The following RSF1 variants were observed in gnomAD, a reference collection of about 807,000 sequenced individuals.
The protein encoded by RSF1 is HBV pX-associated protein 8.
Under a neutral mutation model 145.2 loss-of-function variants are expected in RSF1, and 13 were observed. That is an observed-to-expected ratio of 0.09 (90% confidence interval 0.06 to 0.14). RSF1 has a LOEUF of 0.14. Ranked by LOEUF, RSF1 falls within the 10% of genes least tolerant of loss-of-function variation. The pLI is 1.00. For synonymous variants in RSF1, 577 were observed against 592.6 expected (o/e 0.97, Z 0.38); for missense variants, 1,517 against 1,718.2 (o/e 0.88, Z 2.07).
Position 77,762,027 on chromosome 11 carries a change from C to CTTTTTTCTTTTTTTTTTTTTTTTT in RSF1, c.279+2570_279+2571insAAAAAAAAAAAAAAAAAGAAAAAA, listed in dbSNP as rs1554994584. On this transcript the variant is annotated intron_variant, in intron 2 of 15. Coordinates refer to ENST00000308488, the MANE Select transcript of RSF1 (RefSeq NM_016578.4). ...TTTTTGTATTATTTTCTTTTCTTTT[C>CTTTTTTCTTTTTTTTTTTTTTTTT]TTTTTTTTTTTTTTTTTTTTTTGTA... The CTTTTTTCTTTTTTTTTTTTTTTTT allele has an allele frequency of 2.2e-4, 13 of 58,750 alleles. 1 individual carries two copies. The highest frequency in any genetic ancestry group is 6.2e-4 in the African/African-American group (8 of 12,876). 3.6% of individuals were successfully genotyped at this position (58,750 alleles called of 1,614,324 possible).
Position 77,666,156 on chromosome 11 carries a change from A to G in RSF1, c.*761T>C, listed in dbSNP as rs564368770. ...GAGGCCACCTTATTACCACTGCATA[A>G]AGCTTATTTAAAAAAATTTGTTGCT... On this transcript the variant is annotated 3_prime_UTR_variant, in exon 16 of 16. Coordinates refer to ENST00000308488, the MANE Select transcript of RSF1 (RefSeq NM_016578.4). 6.6e-6 allele frequency: 1 copy of G among 152,160 alleles called. No individual in the cohort carries two copies. Among genetic ancestry groups the G allele is most frequent in the Non-Finnish European group, 1.5e-5 (1 of 68,030 alleles). 9.4% of individuals were successfully genotyped at this position (152,160 alleles called of 1,614,324 possible). A position where few individuals can be genotyped will look rare whatever the true frequency, so the allele number is the denominator to read the frequency against.
In RSF1 at chr11:77,743,576, C is replaced by T. The variant is rs189782267; in HGVS notation, c.373-2640G>A. On this transcript the variant is annotated intron_variant, in intron 3 of 15. Transcript: ENST00000308488. ...TTTTGTATATTGATTTTATATCTCG[C>T]AATTTTACTGAATTCATTTATTAGT... is the stretch of plus-strand genomic sequence containing the variant. 2.9e-3 allele frequency among the ~76,000 whole-genome samples: 448 copies of T among 152,262 alleles called. 1 individual carries two copies. Among genetic ancestry groups the T allele is most frequent in the Middle Eastern group, 0.02 (6 of 294 alleles).
intron 5 of RSF1, among the ~76,000 whole-genome samples, chr11:77,710,444 T>C (rs573956455): frequency 6.6e-6 from 1 of 152,322 alleles, no homozygotes; most frequent in African/African-American, 2.4e-5. Context: ...ACGTTAATGT[T>C]ATCCCCTCTA....
intron 1 of RSF1, chr11:77,813,751 C>T (rs973027273): frequency 1.0e-5 from 3 of 300,208 alleles, no homozygotes; most frequent in Admixed American, 3.9e-5. Context: ...CAGGAGCCTG[C>T]GGATCACAGA....
chr11:77,793,426 G>T (rs1229188360), intron 1 of RSF1, among the ~76,000 whole-genome samples: 5 of 152,154 alleles, frequency 3.3e-5, no homozygotes, highest in Non-Finnish European at 2.9e-5. Flanking sequence ...TAAGGCTGCA[G>T]TAAGCCGTGA....
chr11:77,851,941 A>G, the RSF1 span, among the ~76,000 whole-genome samples: 1 of 152,168 alleles, frequency 6.6e-6, no homozygotes, highest in Non-Finnish European at 1.5e-5. Context: ...ACAAATTATA[A>G]AAGAAATAGA....
chr11:77,851,417 AGCTGTTCCTT>A, the RSF1 span: 2 of 152,336 alleles, frequency 1.3e-5, no homozygotes, highest in African/African-American at 4.8e-5. Context: ...AGCTGTTCCT[AGCTGTTCCTT>A]GTGTTTTTGT....
chr11:77,677,423 G>C lies in RSF1; in HGVS notation c.3134-424C>G, dbSNP rs574427588. On this transcript the variant is annotated intron_variant, in intron 12 of 15. Coordinates refer to ENST00000308488, the MANE Select transcript of RSF1 (RefSeq NM_016578.4). ...TTCTTGAAAGCTGTCTTTTGGACAA[G>C]GCTTTAGAAAGAGGCCAATAGAGTT... Among the ~76,000 whole-genome samples, 12 of 152,162 alleles carry C rather than the reference G, an allele frequency of 7.9e-5. No homozygotes were observed. In the South Asian group the frequency reaches 1.0e-3, roughly 13 times the overall value.
At chr11:77,732,136 G>A (rs918907134) in intron 4 of RSF1, among the ~76,000 whole-genome samples, 1 of 152,208 alleles carries the variant, frequency 6.6e-6, no homozygotes, top group Non-Finnish European at 1.5e-5. Flanking sequence ...CCCACCACTT[G>A]CATCAGCATG....
At chr11:77,870,494 G>T in the RSF1 span, among the ~76,000 whole-genome samples, 1 of 151,198 alleles carries the variant, frequency 6.6e-6, no homozygotes, top group African/African-American at 2.4e-5. Flanking sequence ...CCACCACCAC[G>T]CCTGGCTAAT....
rs1201972489 is a variant in RSF1, at chr11:77,734,692, T to C, written c.578+6039A>G. On this transcript the variant is annotated intron_variant, in intron 4 of 15. Transcript: ENST00000308488. ...TTTGTGCAGTTCCAGTAGTGACTGA[T>C]TCACATTTTTTTCCAAATGTAATGC... The C allele has an allele frequency of 7.8e-6, 11 of 1,403,544 alleles. No individual in the cohort carries two copies. In the Admixed American group the frequency reaches 1.8e-4, roughly 23 times the overall value. 86.9% of individuals were successfully genotyped at this position (1,403,544 alleles called of 1,614,324 possible).
intron 5 of RSF1, chr11:77,718,126 G>A (rs920461261): frequency 3.3e-5 from 5 of 152,220 alleles, no homozygotes; most frequent in Admixed American, 1.3e-4. Context: ...GACCAACATG[G>A]AGAAACCCCG....
rs1226449620 is a variant in RSF1 at position 77,663,926 on chromosome 11, T to G, written c.*2991A>C. On this transcript the variant is annotated 3_prime_UTR_variant, in exon 16 of 16. Coordinates refer to ENST00000308488, the MANE Select transcript of RSF1 (RefSeq NM_016578.4). ...CCAACTTGTATTTCAACAAGGGGGG[T>G]TTAAATTATTAAAGGGCTCTATTAT... 1 of 151,670 alleles carries G rather than the reference T, an allele frequency of 6.6e-6. No homozygotes were observed. The highest frequency in any genetic ancestry group is 1.5e-5 in the Non-Finnish European group (1 of 67,926). 9.4% of individuals were successfully genotyped at this position (151,670 alleles called of 1,614,324 possible). A position where few individuals can be genotyped will look rare whatever the true frequency, so the allele number is the denominator to read the frequency against.
chr11:77,850,532 G>T, the RSF1 span: 1 of 152,046 alleles, frequency 6.6e-6, no homozygotes, highest in Non-Finnish European at 1.5e-5. Context: ...ACTGAAAGGG[G>T]TCAAGAATGA....
rs536605376 is a variant in RSF1 at position 77,716,280 on chromosome 11, AAAG to A, written c.733+9262_733+9264del. Among the ~76,000 whole-genome samples, 59 of 152,338 alleles carry A rather than the reference AAAG, an allele frequency of 3.9e-4. 1 individual carries two copies. Among genetic ancestry groups the A allele is most frequent in the Admixed American group, 2.4e-3 (37 of 15,304 alleles). On this transcript the variant is annotated intron_variant, in intron 5 of 15. Transcript: ENST00000308488. ...AGTAATCCCACTACGGGGTATATCC[AAAG>A]AAAATGAAACCAGTTTGTTAACAAG...
intron 7 of RSF1, among the ~76,000 whole-genome samples, chr11:77,695,750 T>G (rs1960263423): frequency 6.6e-6 from 1 of 152,218 alleles, no homozygotes; most frequent in Admixed American, 6.5e-5. Flanking sequence ...GAAAGCTCAC[T>G]GCTACTGGCA....
At chr11:77,691,059 G>A in intron 9 of RSF1, 100 bp downstream of exon 9, 1 of 1,177,564 alleles carries the variant, frequency 8.5e-7, no homozygotes. Flanking sequence ...ACAGGCCACA[G>A]TATGCCAATC....
intron 4 of RSF1, among the ~76,000 whole-genome samples, chr11:77,737,621 G>GGTGTGTGTGTGTGT (rs1170824350): frequency 1.5e-4 from 14 of 93,532 alleles, no homozygotes; most frequent in East Asian, 1.4e-3. Context: ...TGTTTTGGGG[G>GGTGTGTGTGTGTGT]GTGTGTGTGT....
At chr11:77,816,952 A>G (rs1260186364) in intron 1 of RSF1, among the ~76,000 whole-genome samples, 1 of 152,220 alleles carries the variant, frequency 6.6e-6, no homozygotes, top group Non-Finnish European at 1.5e-5. Flanking sequence ...GGCTTTTCAA[A>G]TAAGAATTTG....
Sources: gnomAD v4.1 joint callset for allele counts (sites outside exome capture counted in the v4.1 genomes callset) on GRCh38, gnomAD v4.1.1 for gene constraint, MANE v1.5 for transcripts, NCBI Gene and HGNC (gene_info 2026-07-23, HGNC 2026-07-21) for gene names.